NRAP: variants seen among roughly 807,000 people sequenced by gnomAD.
NRAP encodes nebulin-related-anchoring protein.
Under a neutral mutation model 225.9 loss-of-function variants are expected in NRAP, and 189 were observed. The observed-to-expected ratio is 0.84, with a 90% CI of 0.74 to 0.94. The LOEUF (loss-of-function observed/expected upper bound fraction) is 0.94. Among genes scored for constraint, NRAP ranks in the 40% least tolerant of loss-of-function variants. The probability of loss-of-function intolerance (pLI) is 0.00; values close to 1 mark genes in which losing one functional copy is unlikely to be tolerated. For missense variants in NRAP, 2,176 were observed against 2,168.7 expected, an observed-to-expected ratio of 1.00 and a Z score of -0.07; for synonymous variants, 769 against 790.7, an observed-to-expected ratio of 0.97 and a Z score of 0.46.
At chr10:113,652,227 A>T (rs1850020773) in intron 6 of NRAP, among the ~76,000 whole-genome samples, 1 of 152,222 alleles carries the variant, frequency 6.6e-6, no homozygotes, top group African/African-American at 2.4e-5. Flanking sequence ...TAATTTGTCC[A>T]TGGTCACATA....
intron 5 of NRAP, among the ~76,000 whole-genome samples, chr10:113,653,612 G>A (rs753028251): frequency 2.0e-5 from 3 of 152,192 alleles, no homozygotes; most frequent in South Asian, 2.1e-4. Context: ...TACCTAGAGC[G>A]TAACCTGTGC....
intron 4 of NRAP, among the ~76,000 whole-genome samples, chr10:113,656,327 G>A (rs545424881): frequency 1.3e-5 from 2 of 152,204 alleles, no homozygotes; most frequent in African/African-American, 4.8e-5. Context: ...CCCACTTCGA[G>A]GTGTCCTGCC....
At chr10:113,627,836 A>G (rs1333403961) in intron 20 of NRAP, among the ~76,000 whole-genome samples, 1 of 152,238 alleles carries the variant, frequency 6.6e-6, no homozygotes, top group African/African-American at 2.4e-5. Context: ...GGCTAATCAT[A>G]CCATCTAATC....
Position 113,615,742 on chromosome 10 carries a change from CA to C in NRAP, c.3047del (p.Leu1016ArgfsTer4). On this transcript the variant is annotated frameshift_variant, in exon 27 of 42. Transcript: ENST00000359988. LOFTEE classifies it high-confidence loss of function. ...TPTADLPEVL[L>X]AKLNAMNISE... ...TGATATTCATGGCATTCAGCTTGGCCAGCAGGACTTCAGGGAGGTCAGCAGT... is the reference window on the plus strand; with the variant it reads ...TGATATTCATGGCATTCAGCTTGGCCGCAGGACTTCAGGGAGGTCAGCAGT... The C allele has an allele frequency of 6.2e-7, 1 of 1,610,868 alleles. No homozygotes were observed. Among genetic ancestry groups the C allele is most frequent in the East Asian group, 2.2e-5 (1 of 44,866 alleles).
chr10:113,626,633 C>T (rs556517270), intron 20 of NRAP, among the ~76,000 whole-genome samples: 1 of 152,232 alleles, frequency 6.6e-6, no homozygotes, highest in South Asian at 2.1e-4. Context: ...GCTTCATCAC[C>T]ATGTTTTACC....
intron 20 of NRAP, among the ~76,000 whole-genome samples, chr10:113,628,565 A>T (rs1352314100): frequency 6.6e-6 from 1 of 152,352 alleles, no homozygotes; most frequent in East Asian, 1.9e-4. Context: ...TAATGAAAAC[A>T]GTATCCTCCA....
In NRAP at chr10:113,631,866, A is replaced by C. The variant is rs553605815; in HGVS notation, c.1731T>G (p.Leu577=). ...ATGAGAGGAAACGTACATTGCTAGC[A>C]AGCTCCCCAGAGGCTTTGGCGGCCA... is the stretch of plus-strand genomic sequence containing the variant. ...SLLAAKASGE[L]ASNIKYKEEY... is the part of the protein sequence containing the mutation. Residue 577 remains leucine (L), a synonymous_variant, in exon 17 of 42, where the codon CTT becomes CTG. Transcript: ENST00000359988. 6 of 1,606,836 alleles carry C rather than the reference A, an allele frequency of 3.7e-6. No homozygotes were observed. The East Asian group carries it at 1.3e-4, about 36-fold the overall frequency.
At chr10:113,648,555 A>G (rs1849743228) in intron 9 of NRAP, among the ~76,000 whole-genome samples, 2 of 150,234 alleles carry the variant, frequency 1.3e-5, no homozygotes, top group Admixed American at 1.3e-4. Flanking sequence ...AATCCTTTTA[A>G]CAAGTCTAGT....
In NRAP at chr10:113,663,886, G is replaced by A. The variant is rs746349065; in HGVS notation, c.-4C>T. On this transcript the variant is annotated 5_prime_UTR_variant, in exon 1 of 42. Coordinates refer to ENST00000359988, the MANE Select transcript of NRAP (RefSeq NM_198060.4). ...TAGAACAGGGCTGCACATTCATCTC[G>A]AAGCCGGAAGAGAGAGGACAAAGAT... 26 of 1,612,106 alleles carry A rather than the reference G, an allele frequency of 1.6e-5. No homozygotes were observed. Among genetic ancestry groups the A allele is most frequent in the African/African-American group, 2.7e-5 (2 of 74,834 alleles).
At chr10:113,627,433 A>T (rs141151550) in intron 20 of NRAP, among the ~76,000 whole-genome samples, 11 of 152,314 alleles carry the variant, frequency 7.2e-5, no homozygotes, top group African/African-American at 2.4e-4. Flanking sequence ...AGGAAATGAG[A>T]TAGAAACTGA....
At chr10:113,620,976 C>T (rs372109201) in intron 24 of NRAP, among the ~76,000 whole-genome samples, 14 of 152,298 alleles carry the variant, frequency 9.2e-5, no homozygotes, top group Middle Eastern at 3.4e-3. Context: ...ACCAAGCTTG[C>T]CCCTCATTAC....
chr10:113,640,317 A>G lies in NRAP; in HGVS notation c.1338T>C (p.Ala446=), dbSNP rs76861484. ...AGTCGACAATATCATGTTTATAATC[A>G]GCTTTGTAGGCAACCTAAAACAGGA... The part of the protein sequence containing the change: ...GSLASNVAYK[A]DYKHDIVDYN... The change falls in exon 14 of 42, where the codon GCT becomes GCC. Residue 446 remains alanine (A), a synonymous_variant. Coordinates refer to ENST00000359988, the MANE Select transcript of NRAP (RefSeq NM_198060.4). The G allele has an allele frequency of 9.4e-3, 14,860 of 1,581,528 alleles. 96 individuals carry two copies. The highest frequency in any genetic ancestry group is 0.012 in the Non-Finnish European group (13,411 of 1,162,888).
At chr10:113,608,712 C>A (rs1212373140) in intron 31 of NRAP, among the ~76,000 whole-genome samples, 200 bp from the exon 32 acceptor site, 1 of 152,200 alleles carries the variant, frequency 6.6e-6, no homozygotes, top group Non-Finnish European at 1.5e-5. Flanking sequence ...ATAGGATGGA[C>A]TGAATCAGAA....
chr10:113,662,543 C>G lies in NRAP; in HGVS notation c.255+136G>C. Reference sequence around the variant, plus strand: ...GCTCAAACCATCTGCCCGCTTTGGCCTCCCAAAGTGTTGGAATTGTAGGTG... The same window carrying G: ...GCTCAAACCATCTGCCCGCTTTGGCGTCCCAAAGTGTTGGAATTGTAGGTG... On this transcript the variant is annotated intron_variant, in intron 3 of 41. Transcript: ENST00000359988. 4 of 649,422 alleles carry G rather than the reference C, an allele frequency of 6.2e-6. No individual in the cohort carries two copies. The South Asian group carries it at 7.3e-5, about 12-fold the overall frequency. The allele number at this position is 649,422 out of a possible 1,614,324, so 40.2% of individuals were successfully genotyped here.
At chr10:113,643,380 T>C (rs1849319105) in intron 11 of NRAP, among the ~76,000 whole-genome samples, 1 of 152,224 alleles carries the variant, frequency 6.6e-6, no homozygotes, top group African/African-American at 2.4e-5. Context: ...ATATTTCCTG[T>C]AATGGAAATG....
chr10:113,627,619 C>T (rs1339267944), intron 20 of NRAP, among the ~76,000 whole-genome samples: 1 of 152,130 alleles, frequency 6.6e-6, no homozygotes, highest in Non-Finnish European at 1.5e-5. Flanking sequence ...TATTCTAATC[C>T]TAAATATGTC....
At chr10:113,642,909 C>T (rs755504864) in intron 12 of NRAP, 25 bp downstream of exon 12, 10 of 1,276,008 alleles carry the variant, frequency 7.8e-6, no homozygotes, top group Middle Eastern at 1.8e-4. Context: ...AGTGCCCAAA[C>T]AAAAGCTTAG....
chr10:113,589,552 A>ACTT (rs1217922644), intron 41 of NRAP, 114 bp downstream of exon 41: 26 of 1,300,082 alleles, frequency 2.0e-5, no homozygotes, highest in Non-Finnish European at 2.5e-5. Context: ...TGCGTTTCAC[A>ACTT]CTTCTTTAGA....
At chr10:113,619,668 G>A (rs978552276) in intron 25 of NRAP, among the ~76,000 whole-genome samples, 3 of 150,494 alleles carry the variant, frequency 2.0e-5, no homozygotes, top group Admixed American at 6.6e-5. Flanking sequence ...CTAACAACCT[G>A]TGGGACTATG....
Sources: allele counts gnomAD v4.1 joint callset (sites outside exome capture counted in the v4.1 genomes callset), GRCh38; gene constraint gnomAD v4.1.1; transcripts MANE v1.5; gene names NCBI Gene and HGNC (gene_info 2026-07-23, HGNC 2026-07-21).